NBPF20: variants seen among roughly 807,000 people sequenced by gnomAD.
NBPF20 encodes the protein NBPF family member NBPF20.
A neutral mutation model predicts 68.1 loss-of-function variants in NBPF20; 90 were observed. The ratio of observed to expected loss-of-function variants is 1.32; its 90% CI spans 1.11 to 1.58. NBPF20 has a LOEUF of 1.58. Ranked by LOEUF, NBPF20 falls within the 40% of genes most tolerant of loss-of-function variation. NBPF20 has a pLI of 0.00. For synonymous variants in NBPF20, 290 were observed against 228.1 expected, an observed-to-expected ratio of 1.27 and a Z score of -2.45; for missense variants, 816 against 601.2, an observed-to-expected ratio of 1.36 and a Z score of -3.74.
At position 145,291,826 on chromosome 1, in the gene NBPF20, C is replaced by G. The variant is rs1481417202; in HGVS notation, c.16698-57G>C. 5.0e-6 allele frequency: 8 copies of G among 1,611,354 alleles called. No homozygotes were observed. The East Asian group carries it at 6.7e-5, about 13-fold the overall frequency. ...CAGGGAAAATCAGAAACCACAGAGC[C>G]CCACTAGATTTCAGAAGTCACATAA... On this transcript the variant is annotated intron_variant, in intron 137 of 137. Coordinates refer to ENST00000369373, the Ensembl canonical transcript of NBPF20.
upstream of NBPF20, chr1:145,407,639 C>G (rs1207162610): frequency 8.6e-5 from 13 of 150,868 alleles, no homozygotes; most frequent in Non-Finnish European, 1.9e-4. Flanking sequence ...TACTGCACAG[C>G]TAGCAGAGTC....
At chr1:145,397,685 G>A (rs1235395932) in intron 7 of NBPF20, among the ~76,000 whole-genome samples, 23 of 152,046 alleles carry the variant, frequency 1.5e-4, no homozygotes, top group South Asian at 4.2e-4. Context: ...ACTAATGGGC[G>A]AAATAACCAG....
At chr1:145,392,856 C>G (rs1275544764) in intron 10 of NBPF20, among the ~76,000 whole-genome samples, 1 of 97,662 alleles carries the variant, frequency 1.0e-5, no homozygotes, top group Non-Finnish European at 1.8e-5. Flanking sequence ...TAGGGCACCA[C>G]AGGCATGGCC....
rs1662709255 is a variant in NBPF20, at chr1:145,405,082, AG to A, written c.175+15del. The A allele has an allele frequency of 6.2e-7, 1 of 1,613,152 alleles. No individual in the cohort carries two copies. The highest frequency in any genetic ancestry group is 1.7e-5 in the Admixed American group (1 of 60,008). On this transcript the variant is annotated intron_variant, in intron 2 of 137. Coordinates refer to ENST00000369373, the Ensembl canonical transcript of NBPF20. ...ATCATTCATCACTTTCATGATGGTG[AG>A]CCTATAGATCTTACTGTATTTCTTC... is the stretch of plus-strand genomic sequence containing the variant.
At chr1:145,425,592 G>C in the NBPF20 span, among the ~76,000 whole-genome samples, 1 of 152,212 alleles carries the variant, frequency 6.6e-6, no homozygotes, top group Non-Finnish European at 1.5e-5. Flanking sequence ...TCAGGGTCTC[G>C]CCGGGCGCGT....
the NBPF20 span, among the ~76,000 whole-genome samples, chr1:145,413,496 C>A: frequency 1.3e-3 from 194 of 152,184 alleles, no homozygotes; most frequent in Non-Finnish European, 2.1e-3. Context: ...TTTTGACACA[C>A]AAAACAAGAT....
At chr1:145,405,128 C>A in exon 2 of NBPF20, 2 of 1,613,698 alleles carry the variant, frequency 1.2e-6, no homozygotes, top group Admixed American at 1.7e-5. Flanking sequence ...GCCAGGAAGC[C>A]GGCCAGTTGA....
chr1:145,298,381 C>G (rs1407717693), intron 129 of NBPF20, among the ~76,000 whole-genome samples: 1 of 144,214 alleles, frequency 6.9e-6, no homozygotes, highest in Non-Finnish European at 1.5e-5. Flanking sequence ...GACACACACA[C>G]ACACACAGAG....
chr1:145,390,357 G>C lies in NBPF20; in HGVS notation c.1494-241C>G, dbSNP rs2100516333. The stretch of plus-strand genomic sequence containing the variant: ...ACACACACACACAGACACACACACA[G>C]ACACACACACACACAGAGAGAGAAC... On this transcript the variant is annotated intron_variant, in intron 13 of 137. Transcript: ENST00000369373. Among the ~76,000 whole-genome samples the C allele has an allele frequency of 5.7e-4, 35 of 61,184 alleles. 2 individuals are homozygous for C. Among genetic ancestry groups the C allele is most frequent in the South Asian group, 6.6e-4 (1 of 1,516 alleles). 40.1% of individuals were successfully genotyped at this position (61,184 alleles called of 152,430 possible). A position where few individuals can be genotyped will look rare whatever the true frequency, so the allele number is the denominator to read the frequency against.
chr1:145,394,934 G>T (rs1389828687), intron 8 of NBPF20, 44 bp downstream of exon 13: 38 of 1,611,302 alleles, frequency 2.4e-5, no homozygotes, highest in Admixed American at 6.7e-5. Flanking sequence ...GGTCTACCTG[G>T]GCCATGAACT....
the NBPF20 span, among the ~76,000 whole-genome samples, chr1:145,412,195 GA>G: frequency 6.6e-6 from 1 of 151,714 alleles, no homozygotes; most frequent in African/African-American, 2.4e-5. Flanking sequence ...AGGAGGTACT[GA>G]ATTACCTCCA....
At chr1:145,291,282 G>A (rs1176216739) in exon 138 of NBPF20, 2 of 639,934 alleles carry the variant, frequency 3.1e-6, no homozygotes, top group Non-Finnish European at 5.3e-6. Flanking sequence ...AAATTAAAAT[G>A]TCTGACTGAT....
chr1:145,419,822 C>A, the NBPF20 span, among the ~76,000 whole-genome samples: 7 of 152,290 alleles, frequency 4.6e-5, no homozygotes, highest in Non-Finnish European at 8.8e-5. Flanking sequence ...CTAATAGTCA[C>A]CCCATGAATG....
chr1:145,352,533 T>A (rs1661669564), intron 61 of NBPF20, among the ~76,000 whole-genome samples: 1 of 16,958 alleles, frequency 5.9e-5, no homozygotes, highest in South Asian at 4.4e-3. Context: ...TGAAGTCTGG[T>A]CCACCTACAG....
rs1443193148 is a variant in NBPF20 at position 145,400,564 on chromosome 1, G to C, written c.597C>G (p.Val199=). Residue 199 remains valine (V), a synonymous_variant, in exon 6 of 138, where the codon GTC becomes GTG. Coordinates refer to ENST00000369373, the Ensembl canonical transcript of NBPF20. The stretch of plus-strand genomic sequence containing the variant: ...CACATTCCTCCTGTGAGTCCTCAGG[G>C]ACTTCCTTTTCTTCAGCCTTCTGCA... The C allele has an allele frequency of 1.9e-6, 3 of 1,612,340 alleles. No homozygotes were observed. The East Asian group carries it at 6.7e-5, about 36-fold the overall frequency.
exon 5 of NBPF20, chr1:145,401,063 G>A (rs1178437859): frequency 1.9e-6 from 3 of 1,607,462 alleles, no homozygotes; most frequent in East Asian, 4.5e-5. Context: ...TGTTACCTGG[G>A]GGCAGACGAT....
chr1:145,334,907 G>C (rs1467690057), intron 83 of NBPF20, among the ~76,000 whole-genome samples: 4 of 133,758 alleles, frequency 3.0e-5, no homozygotes, highest in Non-Finnish European at 6.9e-5. Context: ...TGATGAAGGG[G>C]TCAAAGGACA....
intron 129 of NBPF20, among the ~76,000 whole-genome samples, 183 bp from the exon 135 acceptor site, chr1:145,298,317 G>T (rs1452785018): frequency 1.5e-5 from 2 of 135,968 alleles, no homozygotes; most frequent in African/African-American, 6.7e-5. Context: ...AAGAATGAAA[G>T]AGAAAGACAG....
intron 36 of NBPF20, among the ~76,000 whole-genome samples, chr1:145,372,243 T>A (rs1341579103): frequency 2.8e-4 from 35 of 125,786 alleles, no homozygotes; most frequent in Admixed American, 7.9e-5. Context: ...TCTGTGAATT[T>A]TTTACGTCTG....
Sources: allele counts gnomAD v4.1 joint callset (sites outside exome capture counted in the v4.1 genomes callset), GRCh38; gene constraint gnomAD v4.1.1; transcripts MANE v1.5; gene names NCBI Gene and HGNC (gene_info 2026-07-23, HGNC 2026-07-21).